Variants in SMTN observed in about 807,000 individuals in gnomAD.
SMTN encodes smoothelin.
SMTN carries 58 observed loss-of-function variants against 102.0 expected under a neutral mutation model. That is an observed-to-expected ratio of 0.57 (90% CI 0.46 to 0.71). The LOEUF is 0.71. SMTN is among the 30% of genes least tolerant of loss of function. The pLI is 0.00. For missense variants in SMTN, 1,185 were observed against 1,241.7 expected (o/e 0.95, Z 0.69); for synonymous variants, 478 against 497.9 (o/e 0.96, Z 0.53).
chr22:31,083,451 G>T, intron 2 of SMTN, 142 bp downstream of exon 2: 2 of 1,023,762 alleles, frequency 2.0e-6, no homozygotes, highest in Admixed American at 2.9e-5. Flanking sequence ...GGGTAGGCCA[G>T]TTCCATGTGG....
chr22:31,081,575 G>A (rs892782233), intron 1 of SMTN, 119 bp downstream of exon 1: 1 of 152,304 alleles, frequency 6.6e-6, no homozygotes, highest in Non-Finnish European at 1.5e-5. Context: ...ACCCATACGA[G>A]AGGTCTAAGC....
rs537510641 is a variant in SMTN, at chr22:31,084,321, C to G, written c.51+1012C>G. Among the ~76,000 whole-genome samples, 12 of 152,318 alleles carry G rather than the reference C, an allele frequency of 7.9e-5. No individual in the cohort carries two copies. The South Asian group carries it at 2.5e-3, about 32-fold the overall frequency. ...TTTACCTAGAAGACAAGTGACCCAC[C>G]CCACTCTCATACCTTCCCCCGCAGG... On this transcript the variant is annotated intron_variant, in intron 2 of 20. Transcript: ENST00000333137.
intron 13 of SMTN, 59 bp from the exon 14 acceptor site, chr22:31,096,674 T>C: frequency 4.0e-6 from 6 of 1,486,642 alleles, no homozygotes; most frequent in Non-Finnish European, 5.4e-6. Flanking sequence ...CACCTGTGCA[T>C]CTGTGCTGTG....
chr22:31,081,008 C>T (rs536695720), upstream of SMTN, among the ~76,000 whole-genome samples: 2 of 99,302 alleles, frequency 2.0e-5, no homozygotes, highest in African/African-American at 1.5e-4. Flanking sequence ...CCTGAAGGCT[C>T]TGAGACTCCT....
At chr22:31,100,003 C>T in intron 19 of SMTN, 107 bp downstream of exon 19, 1 of 1,097,472 alleles carries the variant, frequency 9.1e-7, no homozygotes, top group South Asian at 1.5e-5. Flanking sequence ...GCCACATTGT[C>T]AGTCAGCGGC....
At position 31,088,699 on chromosome 22, in the gene SMTN, T is replaced by C; in HGVS notation, c.295T>C (p.Leu99=). Residue 99 remains leucine (L), a splice_region_variant and synonymous_variant, in exon 5 of 21, where the codon TTG becomes CTG. Coordinates refer to ENST00000333137, the MANE Select transcript of SMTN (RefSeq NM_134269.3). Reference sequence around the variant, plus strand: ...CCCGCGACCTGTCTCTTACCCACAGTTGCGAAGCGCTGGTGAGTATGAGGA... The same window carrying C: ...CCCGCGACCTGTCTCTTACCCACAGCTGCGAAGCGCTGGTGAGTATGAGGA... ...MNDVEELTAL[L]RSAGEYEERK... The C allele has an allele frequency of 6.2e-7, 1 of 1,613,922 alleles. No individual in the cohort carries two copies. Among genetic ancestry groups the C allele is most frequent in the East Asian group, 2.2e-5 (1 of 44,878 alleles).
chr22:31,101,046 C>G lies in SMTN; in HGVS notation c.*17C>G, dbSNP rs771042903. The G allele has an allele frequency of 5.6e-6, 9 of 1,596,292 alleles. No homozygotes were observed. Among genetic ancestry groups the G allele is most frequent in the Non-Finnish European group, 6.0e-6 (7 of 1,168,510 alleles). Reference sequence around the variant, plus strand: ...AAGTCCTAACCCCTGCTCGGGGCCCCACGGTGAGAAACGCCGCCTCTACCA... The same window carrying G: ...AAGTCCTAACCCCTGCTCGGGGCCCGACGGTGAGAAACGCCGCCTCTACCA... On this transcript the variant is annotated 3_prime_UTR_variant, in exon 20 of 21. Coordinates refer to ENST00000333137, the MANE Select transcript of SMTN (RefSeq NM_134269.3).
rs1569246770 is a variant in SMTN at position 31,088,550 on chromosome 22, G to T, written c.238G>T (p.Ala80Ser). Residue 80 changes from alanine (A) to serine (S), a missense_variant, in exon 4 of 21, where the codon GCA becomes TCA. Ala to Ser is a moderately conservative substitution (Grantham distance 99, BLOSUM62 1). Transcript: ENST00000333137. ...GGAAGCTGAGCAGCGGGCTGCCCTG[G>T]CACGGCTGGCAGGGCAGCTGGAGTC... ...QREAEQRAAL[A>S]RLAGQLESMN... 3 of 1,613,488 alleles carry T rather than the reference G, an allele frequency of 1.9e-6. No individual in the cohort carries two copies. The highest frequency in any genetic ancestry group is 2.5e-6 in the Non-Finnish European group (3 of 1,179,856).
rs1332554525 is a variant in SMTN at position 31,098,796 on chromosome 22, G to T, written c.2289G>T (p.Ala763=). The T allele has an allele frequency of 6.2e-7, 1 of 1,612,564 alleles. No homozygotes were observed. Among genetic ancestry groups the T allele is most frequent in the Non-Finnish European group, 8.5e-7 (1 of 1,179,796 alleles). ...QSLPKTSASQ[A]RKAMIEKLEK... Reference sequence around the variant, plus strand: ...TGCCCAAGACCTCAGCCTCCCAGGCGCGCAAGGCCATGATTGAGAAGCTGG... The same window carrying T: ...TGCCCAAGACCTCAGCCTCCCAGGCTCGCAAGGCCATGATTGAGAAGCTGG... Residue 763 remains alanine, a synonymous_variant, in exon 17 of 21, where the codon GCG becomes GCT. Coordinates refer to ENST00000333137, the MANE Select transcript of SMTN (RefSeq NM_134269.3).
intron 1 of SMTN, among the ~76,000 whole-genome samples, chr22:31,071,440 T>C (rs1160533488): frequency 1.3e-5 from 2 of 151,788 alleles, no homozygotes; most frequent in Non-Finnish European, 2.9e-5. Flanking sequence ...TGAGACCAGC[T>C]GGGCAACAAA....
In SMTN at chr22:31,099,534, G is replaced by A. The variant is rs550441064; in HGVS notation, c.2452-211G>A. ...CATAGCCTTAGCTGGGTGGCGCTGG[G>A]CCTCTCAGTAGCTCTGTCCCTTGAA... On this transcript the variant is annotated intron_variant, in intron 18 of 20. Coordinates refer to ENST00000333137, the MANE Select transcript of SMTN (RefSeq NM_134269.3). The A allele has an allele frequency of 5.1e-5, 31 of 603,564 alleles. 1 individual carries two copies. The South Asian group carries it at 5.7e-4, about 11-fold the overall frequency. The allele number at this position is 603,564 out of a possible 1,614,324, so 37.4% of individuals were successfully genotyped here. A position where few individuals can be genotyped will look rare whatever the true frequency, so the allele number is the denominator to read the frequency against.
intron 2 of SMTN, among the ~76,000 whole-genome samples, chr22:31,085,445 T>G (rs886370507): frequency 3.9e-5 from 6 of 152,154 alleles, no homozygotes; most frequent in Non-Finnish European, 7.4e-5. Flanking sequence ...CCCCCTCCGT[T>G]GTGCTGTTGG....
chr22:31,070,233 G>A (rs1489594813), intron 1 of SMTN, among the ~76,000 whole-genome samples: 2 of 152,156 alleles, frequency 1.3e-5, no homozygotes, highest in Non-Finnish European at 2.9e-5. Flanking sequence ...GTAATGAAGG[G>A]TCGGTGTAAT....
intron 2 of SMTN, among the ~76,000 whole-genome samples, chr22:31,086,133 C>T (rs907529449): frequency 2.6e-5 from 4 of 152,220 alleles, no homozygotes; most frequent in African/African-American, 9.7e-5. Flanking sequence ...GAGTGAGCCT[C>T]ATTCCCCCCG....
rs768482377 is a variant in SMTN at position 31,098,699 on chromosome 22, G to C, written c.2192G>C (p.Arg731Pro). 4 of 1,613,526 alleles carry C rather than the reference G, an allele frequency of 2.5e-6. No individual in the cohort carries two copies. Among genetic ancestry groups the C allele is most frequent in the East Asian group, 2.2e-5 (1 of 44,864 alleles). The change falls in exon 17 of 21, where the codon CGG becomes CCG. Residue 731 changes from arginine (R) to proline (P), a missense_variant. By Grantham distance (103) the Arg-to-Pro change is moderately radical. Around this residue, in one of 2 missense-constraint regions of SMTN, gnomAD observed 1,096 missense variants for 1,112.7 expected, o/e 0.98. Coordinates refer to ENST00000333137, the MANE Select transcript of SMTN (RefSeq NM_134269.3). ...GACCGCGAGGACCAGGCCAGCCCAC[G>C]GGCCGGCAGCCTGGCGGCGCTCGAG... is the stretch of plus-strand genomic sequence containing the variant. ...IFDREDQASP[R>P]AGSLAALEKR... is the part of the protein sequence containing the mutation.
intron 20 of SMTN, 119 bp from the exon 21 acceptor site, chr22:31,104,197 T>C: frequency 8.3e-7 from 1 of 1,207,664 alleles, no homozygotes; most frequent in Non-Finnish European, 1.2e-6. Context: ...GGCTTTTCCC[T>C]GTCTGGAGTT....
rs919313752 is a variant in SMTN at position 31,095,945 on chromosome 22, TTCTCCCTGCTGCTCCTC to T, written c.1861+345_1861+361del. On this transcript the variant is annotated intron_variant, in intron 13 of 20. Coordinates refer to ENST00000333137, the MANE Select transcript of SMTN (RefSeq NM_134269.3). This position sits in a 1 kb window ranked among gnomAD's most constrained non-coding sequence, Gnocchi z 4.1. ...CTCCTTCCCTGAATCCAGATACTCC[TTCTCCCTGCTGCTCCTC>T]TCTCCCTGAAGTCCATTGATGGCCA... The T allele has an allele frequency of 2.6e-6, 1 of 391,370 alleles. No homozygotes were observed. The highest frequency in any genetic ancestry group is 2.1e-5 in the African/African-American group (1 of 47,958). 24.2% of individuals were successfully genotyped at this position (391,370 alleles called of 1,614,324 possible).
chr22:31,091,209 G>GAGC lies in SMTN; in HGVS notation c.1188_1190dup (p.Gln397dup). On this transcript the variant is annotated inframe_insertion, in exon 10 of 21. Coordinates refer to ENST00000333137, the MANE Select transcript of SMTN (RefSeq NM_134269.3). ...TGATACCTCCTCCCGGTTCAGCAAG[G>GAGC]AGCAACGAGGAGTAGCCCAGCCCCT... is the stretch of plus-strand genomic sequence containing the variant. The GAGC allele has an allele frequency of 6.2e-7, 1 of 1,612,174 alleles. No individual in the cohort carries two copies. The highest frequency in any genetic ancestry group is 8.5e-7 in the Non-Finnish European group (1 of 1,179,392).
Position 31,101,029 on chromosome 22 carries a change from A to G in SMTN, c.2748A>G (p.Ter916=), listed in dbSNP as rs755461932. The G allele has an allele frequency of 3.1e-6, 5 of 1,605,524 alleles. No individual in the cohort carries two copies. In the East Asian group the frequency reaches 1.1e-4, roughly 36 times the overall value. Residue 916 remains the stop codon, a stop_retained_variant, in exon 20 of 21, where the codon TAA becomes TAG. Coordinates refer to ENST00000333137, the MANE Select transcript of SMTN (RefSeq NM_134269.3). ...QKGLVKTKKS[*] Reference sequence around the variant, plus strand: ...GGCTGGTAAAAACCAAAAAGTCCTAACCCCTGCTCGGGGCCCCACGGTGAG... The same window carrying G: ...GGCTGGTAAAAACCAAAAAGTCCTAGCCCCTGCTCGGGGCCCCACGGTGAG...
Sources: gnomAD v4.1 joint callset for allele counts (sites outside exome capture counted in the v4.1 genomes callset) on GRCh38, gnomAD v4.1.1 for gene constraint, gnomAD v4.1.1 regional missense constraint, Gnocchi (gnomAD v3.1) non-coding constraint, MANE v1.5 for transcripts, NCBI Gene and HGNC (gene_info 2026-07-23, HGNC 2026-07-21) for gene names.